The following MLPH variants were observed in gnomAD, a reference collection of about 807,000 sequenced individuals.
MLPH encodes the protein melanophilin.
Under a neutral mutation model 72.1 loss-of-function variants are expected in MLPH, and 51 were observed. That is an observed-to-expected ratio of 0.71 (90% CI 0.56 to 0.89). The LOEUF (loss-of-function observed/expected upper bound fraction) is 0.89, where lower values mean the gene tolerates loss of function less well. MLPH is among the 40% of genes least tolerant of loss of function. The pLI is 0.00. For synonymous variants in MLPH, 301 were observed against 310.1 expected, an observed-to-expected ratio of 0.97 and a Z score of 0.31; for missense variants, 743 against 759.9, an observed-to-expected ratio of 0.98 and a Z score of 0.26.
intron 1 of MLPH, among the ~76,000 whole-genome samples, chr2:237,492,283 AG>A (rs2079443081): frequency 1.3e-5 from 2 of 152,258 alleles, no homozygotes; most frequent in East Asian, 3.9e-4. Context: ...CTTGGTCATC[AG>A]GTTACCTACA....
At chr2:237,497,247 G>A (rs112082459) in intron 2 of MLPH, among the ~76,000 whole-genome samples, 2 of 152,210 alleles carry the variant, frequency 1.3e-5, no homozygotes, top group East Asian at 1.9e-4. Context: ...CGTGCAATTC[G>A]GTTCCTCACA....
At chr2:237,504,653 G>A (rs559486386) in intron 2 of MLPH, among the ~76,000 whole-genome samples, 5 of 152,306 alleles carry the variant, frequency 3.3e-5, no homozygotes, top group South Asian at 2.1e-4. Context: ...GTTGGAGGCC[G>A]CCGGTTCTGT....
intron 6 of MLPH, 127 bp from the exon 7 acceptor site, chr2:237,525,474 G>T: frequency 1.2e-6 from 1 of 850,296 alleles, no homozygotes. Flanking sequence ...CAGCGCAGAT[G>T]GGTGCCTAGT....
At chr2:237,546,753 T>C (rs2080927605) in intron 13 of MLPH, 70 bp downstream of exon 13, 6 of 1,341,866 alleles carry the variant, frequency 4.5e-6, no homozygotes, top group Non-Finnish European at 5.4e-6. Flanking sequence ...TCCAGCAGTG[T>C]GGCAAGTCCA....
chr2:237,494,350 G>T (rs537100537), intron 2 of MLPH, among the ~76,000 whole-genome samples: 6 of 152,176 alleles, frequency 3.9e-5, no homozygotes, highest in African/African-American at 1.4e-4. Flanking sequence ...TGGCGAGGCT[G>T]GAGTGGAGTA....
intron 6 of MLPH, among the ~76,000 whole-genome samples, chr2:237,520,314 C>G (rs76322835): frequency 2.0e-5 from 3 of 152,044 alleles, no homozygotes; most frequent in Non-Finnish European, 4.4e-5. Context: ...GCCCAGGGAT[C>G]GGTGCTTGGG....
intron 1 of MLPH, among the ~76,000 whole-genome samples, chr2:237,487,782 C>T (rs2106440732): frequency 6.6e-6 from 1 of 152,346 alleles, no homozygotes; most frequent in African/African-American, 2.4e-5. Flanking sequence ...GCCAAGGCTG[C>T]TGATGCCAAG....
At chr2:237,546,324 G>C (rs2080917552) in intron 12 of MLPH, 1 of 466,804 alleles carries the variant, frequency 2.1e-6, no homozygotes, top group Admixed American at 3.4e-5. Context: ...TTCCCAGCTT[G>C]ACTTTTTCCT....
In MLPH at chr2:237,509,154, C is replaced by T. The variant is rs56081706; in HGVS notation, c.111-1420C>T. On this transcript the variant is annotated intron_variant, in intron 2 of 15. Transcript: ENST00000264605. ...GTCTTCTCTGCCCTCCCTTCCTGGT[C>T]TCTGGCTATGAAGAAGGGAAGTTAT... Among the ~76,000 whole-genome samples the T allele has an allele frequency of 3.7e-3, 566 of 152,282 alleles. 1 individual carries two copies. Among genetic ancestry groups the T allele is most frequent in the Admixed American group, 8.6e-3 (132 of 15,298 alleles).
intron 11 of MLPH, among the ~76,000 whole-genome samples, 199 bp from the exon 12 acceptor site, chr2:237,542,368 C>G (rs578059599): frequency 1.4e-3 from 212 of 152,306 alleles, no homozygotes; most frequent in Middle Eastern, 3.4e-3. Context: ...AACACCCCCC[C>G]CTTCTCAACA....
intron 14 of MLPH, among the ~76,000 whole-genome samples, chr2:237,549,861 A>C (rs1277822289): frequency 6.6e-6 from 1 of 151,926 alleles, no homozygotes; most frequent in African/African-American, 2.4e-5. Flanking sequence ...CTGTCTTCTG[A>C]GCTTTGCCCT....
intron 4 of MLPH, among the ~76,000 whole-genome samples, chr2:237,516,475 G>A (rs729389): frequency 0.2 from 30,328 of 152,138 alleles, 3,681 homozygotes; most frequent in African/African-American, 0.34. Context: ...CAAATGCTAT[G>A]AGCCTGCAGG....
intron 2 of MLPH, among the ~76,000 whole-genome samples, chr2:237,509,453 C>A (rs1260662677): frequency 6.6e-6 from 1 of 152,198 alleles, no homozygotes; most frequent in Non-Finnish European, 1.5e-5. Flanking sequence ...TCCAGGTTTT[C>A]TGGTTGGTGC....
At chr2:237,522,478 T>A (rs866131241) in intron 6 of MLPH, among the ~76,000 whole-genome samples, 1 of 79,202 alleles carries the variant, frequency 1.3e-5, no homozygotes, top group South Asian at 4.6e-4. Flanking sequence ...AGTGCTGGAG[T>A]GGAGCTGGGC....
rs996251049 is a variant in MLPH at position 237,493,377 on chromosome 2, T to C, written c.-24-26T>C. The stretch of plus-strand genomic sequence containing the variant: ...GGTATTGGTAGGCTTCTGGGACTGA[T>C]GACTTGTGATCCTGTGACATTCCAG... On this transcript the variant is annotated intron_variant, in intron 1 of 15. Transcript: ENST00000264605. The C allele has an allele frequency of 3.4e-6, 5 of 1,463,640 alleles. No homozygotes were observed. In the African/African-American group the frequency reaches 5.6e-5, roughly 16 times the overall value. The allele number at this position is 1,463,640 out of a possible 1,614,324, so 90.7% of individuals were successfully genotyped here. A position where few individuals can be genotyped will look rare whatever the true frequency, so the allele number is the denominator to read the frequency against.
intron 4 of MLPH, chr2:237,518,220 T>C (rs1276337381): frequency 6.8e-6 from 3 of 440,688 alleles, no homozygotes; most frequent in African/African-American, 6.2e-5. Context: ...GGGTGGAGGA[T>C]AGATAGGTGG....
chr2:237,534,447 C>T, intron 8 of MLPH, 117 bp from the exon 9 acceptor site: 1 of 832,506 alleles, frequency 1.2e-6, no homozygotes, highest in Non-Finnish European at 2.1e-6. Flanking sequence ...TGGGTGGTGG[C>T]CTTAGCTCTC....
chr2:237,518,260 T>C (rs141197209), intron 4 of MLPH: 4 of 531,612 alleles, frequency 7.5e-6, no homozygotes, highest in Non-Finnish European at 1.4e-5. Flanking sequence ...GATTGATGCA[T>C]GGATGGATGG....
At chr2:237,506,254 A>G (rs2079769236) in intron 2 of MLPH, among the ~76,000 whole-genome samples, 1 of 152,210 alleles carries the variant, frequency 6.6e-6, no homozygotes, top group African/African-American at 2.4e-5. Context: ...TAAACCCCCT[A>G]CATGTTAATA....
Sources: allele counts gnomAD v4.1 joint callset (sites outside exome capture counted in the v4.1 genomes callset), GRCh38; gene constraint gnomAD v4.1.1; transcripts MANE v1.5; gene names NCBI Gene and HGNC (gene_info 2026-07-23, HGNC 2026-07-21).